GPSM1: variants seen among roughly 807,000 people sequenced by gnomAD.
GPSM1 encodes G protein signaling modulator 1.
In GPSM1, 48 loss-of-function variants were observed where a neutral mutation model predicts 70.5. The observed-to-expected ratio is 0.68, with a 90% CI of 0.54 to 0.87. The LOEUF is 0.87. Ranked by LOEUF, GPSM1 falls within the 40% of genes least tolerant of loss-of-function variation. The pLI is 0.00. For synonymous variants in GPSM1, 416 were observed against 430.1 expected (o/e 0.97, Z 0.41); for missense variants, 981 against 972.6 (o/e 1.01, Z -0.11).
chr9:136,337,202 G>A (rs1376017818), intron 4 of GPSM1, 130 bp downstream of exon 4: 4 of 1,046,812 alleles, frequency 3.8e-6, no homozygotes, highest in South Asian at 3.3e-5. Flanking sequence ...GGCCAGGTCC[G>A]CCCACCCCCG....
chr9:136,337,671 C>T, intron 5 of GPSM1, 107 bp downstream of exon 5: 1 of 1,139,284 alleles, frequency 8.8e-7, no homozygotes, highest in Non-Finnish European at 1.3e-6. Flanking sequence ...GGCCAGGCAG[C>T]AGGCCCGCCC....
Position 136,348,679 on chromosome 9 carries a change from G to A in GPSM1, c.1208-18G>A, listed in dbSNP as rs782514253. On this transcript the variant is annotated intron_variant, in intron 9 of 13. Coordinates refer to ENST00000440944, the MANE Select transcript of GPSM1 (RefSeq NM_001145638.3). ...GTGCCAGGGTGGTGCTGGGCTGACC[G>A]GGTCCCTCTGTCTTCAGGGGCCAGA... The A allele has an allele frequency of 7.2e-5, 116 of 1,601,960 alleles. No individual in the cohort carries two copies. Among genetic ancestry groups the A allele is most frequent in the Middle Eastern group, 1.8e-4 (1 of 5,508 alleles).
In GPSM1 at chr9:136,334,420, G is replaced by A. The variant is rs781910917; in HGVS notation, c.69-27G>A. On this transcript the variant is annotated intron_variant, in intron 1 of 13. Coordinates refer to ENST00000440944, the MANE Select transcript of GPSM1 (RefSeq NM_001145638.3). ...CCCGGGGCGACTTTGCCAGGGCTGG[G>A]CCATGACGCCAAGTTCCTCTGCACA... The A allele has an allele frequency of 2.5e-6, 4 of 1,583,780 alleles. No individual in the cohort carries two copies. In the Admixed American group the frequency reaches 5.1e-5, roughly 20 times the overall value.
chr9:136,344,346 C>T (rs1021479139), intron 9 of GPSM1, among the ~76,000 whole-genome samples: 13 of 152,270 alleles, frequency 8.5e-5, no homozygotes, highest in South Asian at 8.3e-4. Context: ...CACAAAGCAC[C>T]GCAGGCCGGG....
intron 11 of GPSM1, among the ~76,000 whole-genome samples, chr9:136,350,453 G>A (rs1325147524): frequency 1.3e-5 from 2 of 152,244 alleles, no homozygotes; most frequent in African/African-American, 2.4e-5. Context: ...CACACCCATG[G>A]TCAGGCCCTG....
In GPSM1 at chr9:136,342,223, C is replaced by T. The variant is rs1185852159; in HGVS notation, c.1207+1230C>T. On this transcript the variant is annotated intron_variant, in intron 9 of 13. Coordinates refer to ENST00000440944, the MANE Select transcript of GPSM1 (RefSeq NM_001145638.3). The surrounding 1 kb of genome is among the most constrained non-coding windows in gnomAD (Gnocchi z 5.5). ...TGGGGAGCTCTGCCGAGAGCTCCTGCGGCACCCCTAGTACCCTCCTGTGTC... is the reference window on the plus strand; with the variant it reads ...TGGGGAGCTCTGCCGAGAGCTCCTGTGGCACCCCTAGTACCCTCCTGTGTC... Among the ~76,000 whole-genome samples, 4 of 152,116 alleles carry T rather than the reference C, an allele frequency of 2.6e-5. No individual in the cohort carries two copies. Among genetic ancestry groups the T allele is most frequent in the Non-Finnish European group, 5.9e-5 (4 of 68,008 alleles).
Position 136,358,140 on chromosome 9 carries a change from G to T in GPSM1, c.1948G>T (p.Val650Leu), listed in dbSNP as rs781922545. ...VQAKRMDEQR[V>L]DLAGGPEQGA... Reference sequence around the variant, plus strand: ...GGCTAAGCGCATGGACGAGCAGCGGGTGGACCTCGCCGGGGGCCCGGAGCA... The same window carrying T: ...GGCTAAGCGCATGGACGAGCAGCGGTTGGACCTCGCCGGGGGCCCGGAGCA... Residue 650 changes from valine to leucine, a missense_variant, in exon 14 of 14, where the codon GTG becomes TTG. Transcript: ENST00000440944. 1 of 1,608,908 alleles carries T rather than the reference G, an allele frequency of 6.2e-7. No homozygotes were observed. The highest frequency in any genetic ancestry group is 8.5e-7 in the Non-Finnish European group (1 of 1,178,144).
At chr9:136,349,886 T>G in intron 11 of GPSM1, 123 bp downstream of exon 11, 1 of 875,790 alleles carries the variant, frequency 1.1e-6, no homozygotes, top group Non-Finnish European at 1.7e-6. Context: ...CAGGGGTCCC[T>G]CCCCGGTGCA....
Position 136,356,542 on chromosome 9 carries a change from A to G in GPSM1, c.1813A>G (p.Lys605Glu). 6.2e-7 allele frequency: 1 copy of G among 1,610,128 alleles called. No individual in the cohort carries two copies. Among genetic ancestry groups the G allele is most frequent in the Non-Finnish European group, 8.5e-7 (1 of 1,178,246 alleles). Residue 605 changes from lysine to glutamate, a missense_variant, in exon 13 of 14, where the codon AAG (lysine) becomes GAG (glutamate). Coordinates refer to ENST00000440944, the MANE Select transcript of GPSM1 (RefSeq NM_001145638.3). ...PGDDFFNMLIKYQSSRIDDQR... is the reference protein window; with the variant it reads ...PGDDFFNMLIEYQSSRIDDQR... Reference sequence around the variant, plus strand: ...GGACGACTTCTTCAACATGCTCATCAAGTACCAGGTGGGCTGCGGCCCTGG... The same window carrying G: ...GGACGACTTCTTCAACATGCTCATCGAGTACCAGGTGGGCTGCGGCCCTGG...
Position 136,343,172 on chromosome 9 carries a change from C to T in GPSM1, c.1207+2179C>T, listed in dbSNP as rs1554770636. Among the ~76,000 whole-genome samples, 2 of 152,162 alleles carry T rather than the reference C, an allele frequency of 1.3e-5. No homozygotes were observed. Among genetic ancestry groups the T allele is most frequent in the African/African-American group, 4.8e-5 (2 of 41,432 alleles). On this transcript the variant is annotated intron_variant, in intron 9 of 13. Coordinates refer to ENST00000440944, the MANE Select transcript of GPSM1 (RefSeq NM_001145638.3). This position sits in a 1 kb window ranked among gnomAD's most constrained non-coding sequence, Gnocchi z 6.0. ...TGTCCAGCTCCTCTGGGTGTGTGGC[C>T]TCTATGAGACCCTGACAGCAACCAG... is the stretch of plus-strand genomic sequence containing the variant.
intron 13 of GPSM1, 65 bp downstream of exon 13, chr9:136,356,615 C>T: frequency 8.0e-7 from 1 of 1,249,486 alleles, no homozygotes; most frequent in South Asian, 1.3e-5. Context: ...GTGGAGGCAA[C>T]TTGTGTCCTG....
intron 7 of GPSM1, among the ~76,000 whole-genome samples, chr9:136,338,940 CCT>C (rs1554769766): frequency 1.3e-5 from 2 of 152,198 alleles, no homozygotes; most frequent in African/African-American, 4.8e-5. Context: ...AATTCGCCAC[CCT>C]GTTGCCCCCA....
intron 9 of GPSM1, among the ~76,000 whole-genome samples, chr9:136,348,163 G>T (rs1239354930): frequency 6.6e-6 from 1 of 152,240 alleles, no homozygotes; most frequent in African/African-American, 2.4e-5. Flanking sequence ...CCCGGGGAAG[G>T]TCCCACGGCA....
chr9:136,338,481 G>A, intron 6 of GPSM1, 74 bp from the exon 7 acceptor site: 1 of 1,422,006 alleles, frequency 7.0e-7, no homozygotes, highest in South Asian at 1.3e-5. Flanking sequence ...CGGGCAGACT[G>A]CGTCCCCATT....
chr9:136,351,095 C>T (rs954743912), intron 11 of GPSM1, among the ~76,000 whole-genome samples: 4 of 152,166 alleles, frequency 2.6e-5, no homozygotes, highest in Non-Finnish European at 5.9e-5. Flanking sequence ...ATTGTTCTTC[C>T]GTGGGCACCA....
intron 1 of GPSM1, chr9:136,332,245 G>A: frequency 2.5e-6 from 1 of 398,626 alleles, no homozygotes; most frequent in Non-Finnish European, 4.4e-6. Context: ...CTTGGGATGA[G>A]TGGAGGGGAC....
intron 9 of GPSM1, among the ~76,000 whole-genome samples, chr9:136,345,618 C>T (rs1048944640): frequency 2.6e-5 from 4 of 152,218 alleles, no homozygotes; most frequent in Admixed American, 6.5e-5. Flanking sequence ...GCCCAGGACC[C>T]GGAGGATGCG....
Position 136,339,906 on chromosome 9 carries a change from G to C in GPSM1, c.1083+91G>C, listed in dbSNP as rs1588695905. On this transcript the variant is annotated intron_variant, in intron 8 of 13. Transcript: ENST00000440944. The stretch of plus-strand genomic sequence containing the variant: ...CTCTGCCCCGAGCGAGCGTGTGCGT[G>C]CCTGGGCCCCCCTCATCCTTTCAGG... The C allele has an allele frequency of 1.3e-5, 10 of 787,036 alleles. No homozygotes were observed. In the East Asian group the frequency reaches 2.7e-4, roughly 21 times the overall value. 48.8% of individuals were successfully genotyped at this position (787,036 alleles called of 1,614,324 possible).
At chr9:136,332,780 C>A (rs1406338349) in intron 1 of GPSM1, among the ~76,000 whole-genome samples, 2 of 144,400 alleles carry the variant, frequency 1.4e-5, no homozygotes, top group East Asian at 4.1e-4. Flanking sequence ...GTGAGAGGAT[C>A]ACTTGAGCTC....
Sources: gnomAD v4.1 joint callset for allele counts (sites outside exome capture counted in the v4.1 genomes callset) on GRCh38, gnomAD v4.1.1 for gene constraint, Gnocchi (gnomAD v3.1) non-coding constraint, MANE v1.5 for transcripts, NCBI Gene and HGNC (gene_info 2026-07-23, HGNC 2026-07-21) for gene names.